The following ANGPT4 variants were observed in gnomAD, a reference collection of about 807,000 sequenced individuals.
ANGPT4 encodes the protein angiopoietin 4, also known as angiopoietin-4.
ANGPT4 carries 50 observed loss-of-function variants against 53.0 expected under a neutral mutation model. That is an observed-to-expected ratio of 0.94 (90% CI 0.75 to 1.20). The LOEUF is 1.20. Ranked by LOEUF, ANGPT4 falls within the 50% of genes most tolerant of loss-of-function variation. The pLI, the probability that ANGPT4 is intolerant of heterozygous loss-of-function variation, is 0.00. For synonymous variants in ANGPT4, 251 were observed against 259.7 expected (o/e 0.97, Z 0.32); for missense variants, 648 against 637.1 (o/e 1.02, Z -0.18).
chr20:909,779 C>T (rs1982627910), intron 1 of ANGPT4, among the ~76,000 whole-genome samples: 1 of 152,220 alleles, frequency 6.6e-6, no homozygotes. Context: ...GACTCAGGGC[C>T]TACACTCGGC....
intron 4 of ANGPT4, among the ~76,000 whole-genome samples, chr20:884,005 C>T (rs1258445613): frequency 6.6e-6 from 1 of 152,208 alleles, no homozygotes; most frequent in African/African-American, 2.4e-5. Flanking sequence ...CCCTGTCAGC[C>T]CTGGTGGTGC....
At chr20:909,688 G>A (rs747550501) in intron 1 of ANGPT4, among the ~76,000 whole-genome samples, 6 of 152,306 alleles carry the variant, frequency 3.9e-5, no homozygotes, top group South Asian at 2.1e-4. Context: ...TAAGGAAACC[G>A]AGTCACAGAG....
At chr20:910,987 A>C (rs760348803) in intron 1 of ANGPT4, among the ~76,000 whole-genome samples, 3 of 152,192 alleles carry the variant, frequency 2.0e-5, no homozygotes, top group Admixed American at 6.5e-5. Context: ...AGGAGCCAGC[A>C]GTGAGGTTAG....
chr20:882,243 T>C (rs1044187005), intron 4 of ANGPT4, among the ~76,000 whole-genome samples: 1 of 152,188 alleles, frequency 6.6e-6, no homozygotes, highest in Non-Finnish European at 1.5e-5. Context: ...AAAGTGACTG[T>C]TGACAAACAA....
At chr20:893,926 T>C (rs1486059887) in intron 1 of ANGPT4, among the ~76,000 whole-genome samples, 4 of 152,150 alleles carry the variant, frequency 2.6e-5, no homozygotes, top group African/African-American at 9.7e-5. Flanking sequence ...TCTCCATGGG[T>C]CTGCCTTTTG....
chr20:874,270 C>T lies in ANGPT4; in HGVS notation c.1351+14G>A, dbSNP rs774197949. 1.2e-5 allele frequency: 19 copies of T among 1,613,512 alleles called. No homozygotes were observed. Among genetic ancestry groups the T allele is most frequent in the Non-Finnish European group, 1.4e-5 (16 of 1,179,700 alleles). On this transcript the variant is annotated intron_variant, in intron 8 of 8. Transcript: ENST00000381922. ...CCTGTGGGTGGGCGGAGCTTCACCC[C>T]ACCCTGCACCTACCTCCAGACATCA...
rs780132265 is a variant in ANGPT4 at position 893,979 on chromosome 20, C to CT, written c.310-3612dup. 4.4e-3 allele frequency among the ~76,000 whole-genome samples: 631 copies of CT among 144,380 alleles called. 3 individuals are homozygous for CT. Among genetic ancestry groups the CT allele is most frequent in the African/African-American group, 0.011 (438 of 39,536 alleles). The allele number at this position is 144,380 out of a possible 152,430, so 94.7% of individuals were successfully genotyped here. A position where few individuals can be genotyped will look rare whatever the true frequency, so the allele number is the denominator to read the frequency against. Reference sequence around the variant, plus strand: ...CCCCTCTGTCAGCTCCCAGGAGATTCTTTTTTTTTTTTGCAGTTGCAAGAT... The same window carrying CT: ...CCCCTCTGTCAGCTCCCAGGAGATTCTTTTTTTTTTTTTGCAGTTGCAAGAT... On this transcript the variant is annotated intron_variant, in intron 1 of 8. Transcript: ENST00000381922.
At chr20:902,356 T>C (rs891622505) in intron 1 of ANGPT4, among the ~76,000 whole-genome samples, 1 of 151,992 alleles carries the variant, frequency 6.6e-6, no homozygotes, top group South Asian at 2.1e-4. Context: ...AAAAAGGACA[T>C]GCTTTTCCCA....
intron 1 of ANGPT4, among the ~76,000 whole-genome samples, chr20:909,215 C>T (rs772595980): frequency 6.6e-6 from 1 of 152,168 alleles, no homozygotes; most frequent in Non-Finnish European, 1.5e-5. Flanking sequence ...TTATAAGACA[C>T]ATATAAAGTG....
At chr20:903,656 A>G (rs1257767667) in intron 1 of ANGPT4, among the ~76,000 whole-genome samples, 1 of 152,174 alleles carries the variant, frequency 6.6e-6, no homozygotes, top group East Asian at 1.9e-4. Context: ...AACAGGTAAA[A>G]CAGTCCCCAG....
intron 7 of ANGPT4, among the ~76,000 whole-genome samples, chr20:876,604 T>G (rs567062793): frequency 1.3e-5 from 2 of 152,332 alleles, no homozygotes; most frequent in African/African-American, 2.4e-5. Context: ...GAGGTAGGTA[T>G]GCCTAAAGCA....
intron 1 of ANGPT4, among the ~76,000 whole-genome samples, chr20:894,141 T>C (rs1210400079): frequency 1.3e-5 from 2 of 152,220 alleles, no homozygotes; most frequent in African/African-American, 4.8e-5. Context: ...AGGCAATAGA[T>C]GATTGGCTAT....
chr20:904,535 T>C lies in ANGPT4; in HGVS notation c.309+11371A>G, dbSNP rs140586419. Among the ~76,000 whole-genome samples the C allele has an allele frequency of 2.6e-3, 401 of 152,368 alleles. 2 individuals carry two copies. The highest frequency in any genetic ancestry group is 9.2e-3 in the African/African-American group (382 of 41,592). On this transcript the variant is annotated intron_variant, in intron 1 of 8. Transcript: ENST00000381922. Reference sequence around the variant, plus strand: ...AACAGGGCTGCTACAAATATCCTTGTACACCTGTCACTTAACATTCCCACA... The same window carrying C: ...AACAGGGCTGCTACAAATATCCTTGCACACCTGTCACTTAACATTCCCACA...
At chr20:886,854 T>A (rs1030694067) in intron 3 of ANGPT4, among the ~76,000 whole-genome samples, 1 of 152,268 alleles carries the variant, frequency 6.6e-6, no homozygotes, top group African/African-American at 2.4e-5. Flanking sequence ...AAGTTAGCAA[T>A]CTTCTGTATG....
At chr20:890,663 C>G (rs185155112) in intron 1 of ANGPT4, among the ~76,000 whole-genome samples, 1 of 152,212 alleles carries the variant, frequency 6.6e-6, no homozygotes, top group Non-Finnish European at 1.5e-5. Flanking sequence ...TCAAGTCACA[C>G]TCCTCCTTTG....
chr20:884,811 G>T (rs535735613), intron 4 of ANGPT4, among the ~76,000 whole-genome samples: 1 of 152,184 alleles, frequency 6.6e-6, no homozygotes, highest in East Asian at 1.9e-4. Context: ...CCTCATCCTC[G>T]CCTCCAAAAC....
chr20:909,908 C>G (rs1982633418), intron 1 of ANGPT4, among the ~76,000 whole-genome samples: 1 of 152,184 alleles, frequency 6.6e-6, no homozygotes, highest in Admixed American at 6.5e-5. Flanking sequence ...GCCTGAGGCC[C>G]TACCTGAATC....
At chr20:901,705 G>A (rs1183135482) in intron 1 of ANGPT4, among the ~76,000 whole-genome samples, 1 of 152,210 alleles carries the variant, frequency 6.6e-6, no homozygotes. Flanking sequence ...TTAAGCTCAG[G>A]ATTTGGAGAC....
Position 892,824 on chromosome 20 carries a change from G to A in ANGPT4, c.310-2456C>T, listed in dbSNP as rs73602183. On this transcript the variant is annotated intron_variant, in intron 1 of 8. Transcript: ENST00000381922. ...TGGGACGACAGGCGAGCACCACCAC[G>A]CGCAGTTCCCCCCTTCGCTCTTTAA... Among the ~76,000 whole-genome samples, 92 of 152,234 alleles carry A rather than the reference G, an allele frequency of 6.0e-4. 3 individuals carry two copies. In the East Asian group the frequency reaches 0.016, roughly 27 times the overall value.
Sources: allele counts gnomAD v4.1 joint callset (sites outside exome capture counted in the v4.1 genomes callset), GRCh38; gene constraint gnomAD v4.1.1; transcripts MANE v1.5; gene names NCBI Gene and HGNC (gene_info 2026-07-23, HGNC 2026-07-21).